Variants in GPC5 observed in about 807,000 individuals in gnomAD.
GPC5 encodes glypican 5.
A neutral mutation model predicts 53.9 loss-of-function variants in GPC5; 47 were observed. The ratio of observed to expected loss-of-function variants is 0.87; its 90% confidence interval spans 0.69 to 1.11. The LOEUF (loss-of-function observed/expected upper bound fraction) is 1.11. GPC5 is among the 50% of genes most tolerant of loss of function. The pLI is 0.00. For missense variants in GPC5, 748 were observed against 713.1 expected (o/e 1.05, Z -0.56); for synonymous variants, 286 against 263.3 (o/e 1.09, Z -0.84).
chr13:91,558,306 TTAGTTAACTTAAAGA>T lies in GPC5; in HGVS notation c.325+109388_325+109402del, dbSNP rs536866945. On this transcript the variant is annotated intron_variant, in intron 2 of 7. Transcript: ENST00000377067. The stretch of plus-strand genomic sequence containing the variant: ...TAGCTTATTTTACTTGGTCTCGGTA[TTAGTTAACTTAAAGA>T]TAGGAAGTGACATTTTATCCTAGTA... 3.3e-3 allele frequency among the ~76,000 whole-genome samples: 500 copies of T among 152,248 alleles called. 1 individual carries two copies. Among genetic ancestry groups the T allele is most frequent in the Non-Finnish European group, 5.4e-3 (369 of 68,004 alleles).
intron 6 of GPC5, among the ~76,000 whole-genome samples, chr13:92,087,590 G>A (rs1416093618): frequency 6.6e-6 from 1 of 152,076 alleles, no homozygotes. Flanking sequence ...CCTTTATGTA[G>A]CCAGTCCCAC....
At chr13:91,508,358 A>G (rs1885058017) in intron 2 of GPC5, among the ~76,000 whole-genome samples, 1 of 152,232 alleles carries the variant, frequency 6.6e-6, no homozygotes, top group South Asian at 2.1e-4. Flanking sequence ...GAAAATGTTC[A>G]GTCCAATGAG....
intron 2 of GPC5, among the ~76,000 whole-genome samples, chr13:91,647,175 C>T (rs1351657578): frequency 6.7e-6 from 1 of 149,810 alleles, no homozygotes; most frequent in African/African-American, 2.5e-5. Context: ...TTTTTTTGTG[C>T]AGGGTATACA....
At chr13:91,793,605 A>T (rs2038002922) in intron 5 of GPC5, among the ~76,000 whole-genome samples, 1 of 152,174 alleles carries the variant, frequency 6.6e-6, no homozygotes, top group Non-Finnish European at 1.5e-5. Flanking sequence ...CCCTTGTATT[A>T]GTCCATTTTC....
chr13:92,523,487 T>G (rs1480649271), intron 7 of GPC5, among the ~76,000 whole-genome samples: 2 of 152,130 alleles, frequency 1.3e-5, no homozygotes, highest in Non-Finnish European at 2.9e-5. Context: ...ATCAAATATT[T>G]GAGAATTTGA....
rs374398289 is a variant in GPC5, at chr13:91,519,508, A to G, written c.325+70586A>G. ...GAGATCCGGTTGTTTAAAAGTATAT[A>G]ACACTCCCCACTTCGCTCTCTGTCT... On this transcript the variant is annotated intron_variant, in intron 2 of 7. Transcript: ENST00000377067. Among the ~76,000 whole-genome samples the G allele has an allele frequency of 9.2e-5, 14 of 152,242 alleles. No homozygotes were observed. In the East Asian group the frequency reaches 2.5e-3, roughly 27 times the overall value.
At chr13:91,793,298 A>G (rs1365335601) in intron 5 of GPC5, among the ~76,000 whole-genome samples, 1 of 151,898 alleles carries the variant, frequency 6.6e-6, no homozygotes, top group Admixed American at 6.6e-5. Flanking sequence ...AGCATGGGGA[A>G]AAACCGCCCC....
intron 7 of GPC5, among the ~76,000 whole-genome samples, chr13:92,483,320 C>T (rs1879426313): frequency 6.6e-6 from 1 of 152,154 alleles, no homozygotes; most frequent in Non-Finnish European, 1.5e-5. Flanking sequence ...CATGGTGGAG[C>T]CTTTTGCTCC....
chr13:91,718,270 G>A (rs887357335), intron 3 of GPC5, among the ~76,000 whole-genome samples: 2 of 151,868 alleles, frequency 1.3e-5, no homozygotes, highest in South Asian at 2.1e-4. Context: ...GCCACCACGC[G>A]TGGCTAATTT....
At chr13:92,088,859 T>G (rs1189685601) in intron 6 of GPC5, among the ~76,000 whole-genome samples, 1 of 152,222 alleles carries the variant, frequency 6.6e-6, no homozygotes, top group African/African-American at 2.4e-5. Flanking sequence ...ATACAGCTTT[T>G]TAAACATTGA....
intron 2 of GPC5, among the ~76,000 whole-genome samples, chr13:91,464,619 T>C (rs981469397): frequency 2.0e-5 from 3 of 152,156 alleles, no homozygotes; most frequent in African/African-American, 7.2e-5. Flanking sequence ...ATAACATTCT[T>C]GAAATAACAA....
intron 7 of GPC5, among the ~76,000 whole-genome samples, chr13:92,304,545 TG>T (rs2043098204): frequency 6.8e-6 from 1 of 147,298 alleles, no homozygotes; most frequent in African/African-American, 2.6e-5. Flanking sequence ...GAACCTCATT[TG>T]GGGGAACTAA....
chr13:91,499,159 A>G (rs1260139349), intron 2 of GPC5, among the ~76,000 whole-genome samples: 2 of 152,126 alleles, frequency 1.3e-5, no homozygotes, highest in African/African-American at 4.8e-5. Flanking sequence ...AGAACAAGTC[A>G]AAGGTGGCTT....
intron 7 of GPC5, among the ~76,000 whole-genome samples, chr13:92,724,403 A>T (rs1203848680): frequency 6.6e-6 from 1 of 151,630 alleles, no homozygotes; most frequent in African/African-American, 2.4e-5. Context: ...GTTAGAATGC[A>T]TATTTTTAAT....
chr13:91,716,110 G>A (rs2036333069), intron 3 of GPC5, among the ~76,000 whole-genome samples: 1 of 151,604 alleles, frequency 6.6e-6, no homozygotes, highest in South Asian at 2.1e-4. Flanking sequence ...AGATTACAAA[G>A]TACATAAAAA....
At chr13:92,047,554 C>A (rs2040992853) in intron 6 of GPC5, among the ~76,000 whole-genome samples, 1 of 151,004 alleles carries the variant, frequency 6.6e-6, no homozygotes, top group Non-Finnish European at 1.5e-5. Context: ...TTACTTCTAA[C>A]CTTTATAAAT....
At chr13:92,472,008 C>T (rs1878932150) in intron 7 of GPC5, among the ~76,000 whole-genome samples, 1 of 152,040 alleles carries the variant, frequency 6.6e-6, no homozygotes, top group African/African-American at 2.4e-5. Flanking sequence ...GTAATTTGGA[C>T]CCTCTTAACT....
chr13:92,755,295 C>T (rs1034727583), intron 7 of GPC5, among the ~76,000 whole-genome samples: 1 of 140,446 alleles, frequency 7.1e-6, no homozygotes, highest in Non-Finnish European at 1.5e-5. Context: ...AACAAAGACA[C>T]AACATACCAG....
intron 6 of GPC5, among the ~76,000 whole-genome samples, chr13:91,997,772 A>T (rs558820480): frequency 6.6e-6 from 1 of 152,170 alleles, no homozygotes; most frequent in Admixed American, 6.5e-5. Flanking sequence ...TGCCCGCCTC[A>T]GCCTCCCAAA....
Sources: gnomAD v4.1 joint callset for allele counts (sites outside exome capture counted in the v4.1 genomes callset) on GRCh38, gnomAD v4.1.1 for gene constraint, MANE v1.5 for transcripts, NCBI Gene and HGNC (gene_info 2026-07-23, HGNC 2026-07-21) for gene names.